The following STK32A variants were observed in gnomAD, a reference collection of about 807,000 sequenced individuals.
STK32A encodes serine/threonine kinase 32A, also known as serine/threonine-protein kinase 32A.
A neutral mutation model predicts 53.2 loss-of-function variants in STK32A; 41 were observed. That is an observed-to-expected ratio of 0.77 (90% CI 0.60 to 1.00). The LOEUF (loss-of-function observed/expected upper bound fraction) is 1.00, where lower values mean the gene tolerates loss of function less well. STK32A is among the 50% of genes least tolerant of loss of function. STK32A has a pLI of 0.00. For synonymous variants in STK32A, 166 were observed against 162.8 expected (o/e 1.02, Z -0.15); for missense variants, 458 against 485.8 (o/e 0.94, Z 0.54).
chr5:147,301,181 G>A (rs1753113633), intron 4 of STK32A, among the ~76,000 whole-genome samples: 1 of 152,192 alleles, frequency 6.6e-6, no homozygotes, highest in African/African-American at 2.4e-5. Flanking sequence ...TCCTTGTTAT[G>A]TAGATGAAAT....
the STK32A span, chr5:147,393,454 G>T: frequency 6.6e-6 from 1 of 152,610 alleles, no homozygotes; most frequent in African/African-American, 2.4e-5. Context: ...CCCAAAGACT[G>T]CCTGCCTTCT....
At chr5:147,401,553 A>C in the STK32A span, 5 of 1,612,702 alleles carry the variant, frequency 3.1e-6, no homozygotes, top group Non-Finnish European at 4.2e-6. Context: ...GCCAGCAAGG[A>C]GTTGATGTAG....
intron 4 of STK32A, among the ~76,000 whole-genome samples, chr5:147,303,343 T>A (rs1238246364): frequency 6.6e-6 from 1 of 152,180 alleles, no homozygotes; most frequent in Admixed American, 6.5e-5. Context: ...CATCTAGGCC[T>A]TGAAGGCGGG....
chr5:147,375,353 G>A (rs1258375601), intron 11 of STK32A, 135 bp downstream of exon 11: 13 of 1,212,810 alleles, frequency 1.1e-5, no homozygotes, highest in African/African-American at 4.6e-5. Context: ...TAGATCAGCC[G>A]GGTTTCTAAA....
chr5:147,385,088 A>G lies in STK32A; in HGVS notation c.*1105A>G, dbSNP rs1757598488. ...TATTTTTGGTCTCATTTTGGCTAAT[A>G]CCAGATGAGCTAAAATGTTGAACAA... On this transcript the variant is annotated 3_prime_UTR_variant, in exon 13 of 13. Coordinates refer to ENST00000397936, the MANE Select transcript of STK32A (RefSeq NM_001112724.2). 1 of 152,150 alleles carries G rather than the reference A, an allele frequency of 6.6e-6. No individual in the cohort carries two copies. Among genetic ancestry groups the G allele is most frequent in the Non-Finnish European group, 1.5e-5 (1 of 68,040 alleles). 9.4% of individuals were successfully genotyped at this position (152,150 alleles called of 1,614,324 possible).
intron 5 of STK32A, among the ~76,000 whole-genome samples, chr5:147,329,486 A>G (rs532027081): frequency 1.1e-4 from 17 of 152,358 alleles, no homozygotes; most frequent in African/African-American, 4.1e-4. Context: ...TCCCCCTGTC[A>G]TAAGAAGTTG....
At chr5:147,314,180 A>G (rs767486878) in intron 4 of STK32A, among the ~76,000 whole-genome samples, 46 of 152,186 alleles carry the variant, frequency 3.0e-4, no homozygotes, top group Non-Finnish European at 2.2e-4. Flanking sequence ...CAAATCATAT[A>G]TCTACTAAAG....
At chr5:147,275,515 G>C (rs1330555138) in intron 2 of STK32A, among the ~76,000 whole-genome samples, 1 of 151,864 alleles carries the variant, frequency 6.6e-6, no homozygotes, top group Non-Finnish European at 1.5e-5. Flanking sequence ...GTAGAGATGG[G>C]GCCTCACTAC....
the STK32A span, chr5:147,392,997 C>T: frequency 6.6e-6 from 1 of 152,198 alleles, no homozygotes; most frequent in African/African-American, 2.4e-5. Context: ...GTGCCAGGAT[C>T]GAGAGAATCA....
At chr5:147,281,527 T>A (rs1192140085) in intron 4 of STK32A, among the ~76,000 whole-genome samples, 4 of 151,892 alleles carry the variant, frequency 2.6e-5, no homozygotes, top group African/African-American at 9.7e-5. Flanking sequence ...GAAGACAAAG[T>A]CTTCAAATTA....
At chr5:147,400,620 G>T in the STK32A span, 2 of 1,560,666 alleles carry the variant, frequency 1.3e-6, no homozygotes, top group South Asian at 1.2e-5. Context: ...AGCCCAACTG[G>T]TGGCAGGAGG....
At position 147,387,183 on chromosome 5, in the gene STK32A, G is replaced by A. The variant is rs1757695205; in HGVS notation, c.*3200G>A. The A allele has an allele frequency of 6.6e-6, 1 of 152,210 alleles. No homozygotes were observed. The highest frequency in any genetic ancestry group is 2.4e-5 in the African/African-American group (1 of 41,456). The allele number at this position is 152,210 out of a possible 1,614,324, so 9.4% of individuals were successfully genotyped here. On this transcript the variant is annotated 3_prime_UTR_variant, in exon 13 of 13. Coordinates refer to ENST00000397936, the MANE Select transcript of STK32A (RefSeq NM_001112724.2). ...GCTGCCCACCTCCAGTACACCCTCA[G>A]TGACCTCGAGTAGATGCGTAGGGCA... is the stretch of plus-strand genomic sequence containing the variant.
intron 2 of STK32A, among the ~76,000 whole-genome samples, chr5:147,260,295 G>GTC (rs71001423): frequency 0.024 from 2,818 of 117,364 alleles, 193 homozygotes; most frequent in African/African-American, 0.074. Flanking sequence ...TCTCTCGCCT[G>GTC]TCTCTCTCTC....
chr5:147,327,505 T>C (rs1209261339), intron 5 of STK32A, among the ~76,000 whole-genome samples: 1 of 152,220 alleles, frequency 6.6e-6, no homozygotes, highest in Non-Finnish European at 1.5e-5. Context: ...ACTTTTAGAT[T>C]AAAATCTACA....
At chr5:147,267,537 A>G (rs1158334748) in intron 2 of STK32A, among the ~76,000 whole-genome samples, 2 of 152,228 alleles carry the variant, frequency 1.3e-5, no homozygotes, top group Non-Finnish European at 2.9e-5. Context: ...AAGATAATGT[A>G]TATTAAGGTA....
chr5:147,246,591 C>T (rs1162483412), intron 2 of STK32A, among the ~76,000 whole-genome samples: 1 of 152,078 alleles, frequency 6.6e-6, no homozygotes, highest in Non-Finnish European at 1.5e-5. Context: ...TTCTGTGGAT[C>T]TCAGTTTGGG....
chr5:147,283,772 T>G (rs1327292549), intron 4 of STK32A, among the ~76,000 whole-genome samples: 1 of 152,008 alleles, frequency 6.6e-6, no homozygotes, highest in Non-Finnish European at 1.5e-5. Context: ...AACAGATCAA[T>G]AGCAAGCAGC....
chr5:147,364,935 C>G (rs981729209), intron 8 of STK32A, among the ~76,000 whole-genome samples: 2 of 152,158 alleles, frequency 1.3e-5, no homozygotes, highest in Admixed American at 1.3e-4. Flanking sequence ...AGTGATTCCT[C>G]TAAGACCAAA....
At chr5:147,263,188 C>T (rs1754660915) in intron 2 of STK32A, among the ~76,000 whole-genome samples, 1 of 152,180 alleles carries the variant, frequency 6.6e-6, no homozygotes, top group Non-Finnish European at 1.5e-5. Context: ...CAAGGACTCA[C>T]CCTCCAGTAA....
Sources: gnomAD v4.1 joint callset for allele counts (sites outside exome capture counted in the v4.1 genomes callset) on GRCh38, gnomAD v4.1.1 for gene constraint, MANE v1.5 for transcripts, NCBI Gene and HGNC (gene_info 2026-07-23, HGNC 2026-07-21) for gene names.